The following OR51B5 variants were observed in gnomAD, a reference collection of about 807,000 sequenced individuals.
OR51B5 encodes olfactory receptor family 51 subfamily B member 5, also known as olfactory receptor 51B5.
For synonymous variants in OR51B5, 186 were observed against 144.8 expected, an observed-to-expected ratio of 1.28 and a Z score of -2.04; for missense variants, 456 against 374.6, an observed-to-expected ratio of 1.22 and a Z score of -1.79.
chr11:5,365,721 C>G (rs79375238), intron 1 of OR51B5, among the ~76,000 whole-genome samples: 4,771 of 152,164 alleles, frequency 0.031, 249 homozygotes, highest in African/African-American at 0.11. Context: ...TTTAAATTGT[C>G]CTGTAATTAT....
intron 1 of OR51B5, among the ~76,000 whole-genome samples, chr11:5,459,230 G>C (rs968274337): frequency 4.6e-5 from 7 of 152,122 alleles, no homozygotes; most frequent in Admixed American, 1.3e-4. Flanking sequence ...TTTGCTTTTA[G>C]TTCTGTTAAA....
chr11:5,461,412 C>T (rs893373556), intron 1 of OR51B5, among the ~76,000 whole-genome samples: 1 of 152,196 alleles, frequency 6.6e-6, no homozygotes, highest in Non-Finnish European at 1.5e-5. Flanking sequence ...GCTGAGACTG[C>T]ACTGCAAGCT....
intron 1 of OR51B5, among the ~76,000 whole-genome samples, chr11:5,497,640 G>A (rs576533499): frequency 6.6e-6 from 1 of 152,216 alleles, no homozygotes; most frequent in East Asian, 1.9e-4. Context: ...TGTGGTTAAG[G>A]TTGCTGCCTA....
chr11:5,401,731 C>T (rs1189926808), intron 1 of OR51B5, among the ~76,000 whole-genome samples: 2 of 151,376 alleles, frequency 1.3e-5, no homozygotes, highest in African/African-American at 2.4e-5. Flanking sequence ...TAGGGCCAGA[C>T]ATCTCCACAC....
chr11:5,365,306 C>G (rs1481171124), intron 1 of OR51B5, among the ~76,000 whole-genome samples: 1 of 152,144 alleles, frequency 6.6e-6, no homozygotes, highest in African/African-American at 2.4e-5. Context: ...TGTTTGCCAG[C>G]TGTGGAAAAC....
At chr11:5,458,358 T>C (rs1370486888) in intron 1 of OR51B5, among the ~76,000 whole-genome samples, 2 of 152,232 alleles carry the variant, frequency 1.3e-5, no homozygotes, top group African/African-American at 4.8e-5. Flanking sequence ...TTGCTTACAG[T>C]AGCCTTATAG....
intron 1 of OR51B5, among the ~76,000 whole-genome samples, chr11:5,419,081 C>G (rs561315980): frequency 1.4e-4 from 21 of 152,122 alleles, no homozygotes; most frequent in Admixed American, 9.2e-4. Flanking sequence ...TATCTTCACT[C>G]TCCTTCAAAT....
At chr11:5,396,465 C>T (rs1849873835) in intron 1 of OR51B5, among the ~76,000 whole-genome samples, 1 of 152,092 alleles carries the variant, frequency 6.6e-6, no homozygotes, top group African/African-American at 2.4e-5. Context: ...ACAATTGCTT[C>T]AGAGAGAATA....
At chr11:5,393,792 G>A (rs918765645) in intron 1 of OR51B5, among the ~76,000 whole-genome samples, 19 of 152,118 alleles carry the variant, frequency 1.2e-4, no homozygotes, top group African/African-American at 4.1e-4. Flanking sequence ...GAGGCTCACA[G>A]AGGAAAGCAA....
intron 1 of OR51B5, chr11:5,469,126 G>A (rs1851184792): frequency 8.8e-6 from 2 of 226,496 alleles, no homozygotes; most frequent in Non-Finnish European, 1.8e-5. Context: ...TCTGGGCCAG[G>A]CAGGCATCAA....
chr11:5,450,518 G>A (rs1000407414), intron 1 of OR51B5, among the ~76,000 whole-genome samples: 1 of 152,096 alleles, frequency 6.6e-6, no homozygotes. Context: ...ACACCCTCGG[G>A]GTCCTTTCTT....
intron 1 of OR51B5, among the ~76,000 whole-genome samples, chr11:5,411,391 T>G (rs1370983459): frequency 6.6e-6 from 1 of 152,090 alleles, no homozygotes; most frequent in Non-Finnish European, 1.5e-5. Context: ...CATCTAGGCT[T>G]GTGTGAGTAC....
intron 1 of OR51B5, among the ~76,000 whole-genome samples, chr11:5,493,307 C>T (rs920249105): frequency 5.3e-5 from 8 of 152,170 alleles, no homozygotes; most frequent in African/African-American, 1.9e-4. Flanking sequence ...AAAGAGACAT[C>T]ATCATGTTCC....
At chr11:5,478,960 T>C (rs2133806675) in intron 1 of OR51B5, among the ~76,000 whole-genome samples, 1 of 151,704 alleles carries the variant, frequency 6.6e-6, no homozygotes, top group Admixed American at 6.6e-5. Context: ...CGGGAGAACT[T>C]CCCCAATCTA....
intron 1 of OR51B5, among the ~76,000 whole-genome samples, chr11:5,460,480 A>C (rs1032642000): frequency 2.5e-4 from 1 of 4,080 alleles, no homozygotes; most frequent in Non-Finnish European, 1.4e-3. Flanking sequence ...TCATCTTTCA[A>C]CTCGAGTCAT....
At chr11:5,453,539 C>T (rs766538002) in intron 1 of OR51B5, 1 of 1,598,752 alleles carries the variant, frequency 6.3e-7, no homozygotes, top group Admixed American at 1.7e-5. Context: ...TGACTGGTAT[C>T]CCTGGTCTGG....
At chr11:5,354,338 T>G (rs1297415790) in intron 1 of OR51B5, among the ~76,000 whole-genome samples, 1 of 152,234 alleles carries the variant, frequency 6.6e-6, no homozygotes, top group Non-Finnish European at 1.5e-5. Flanking sequence ...CATAGCAGGC[T>G]AGTATAAAGA....
Position 5,413,635 on chromosome 11 carries a change from T to A in OR51B5, n.85-66725A>T, listed in dbSNP as rs189202280. 1.9e-3 allele frequency among the ~76,000 whole-genome samples: 292 copies of A among 152,220 alleles called. 1 individual carries two copies. Among genetic ancestry groups the A allele is most frequent in the Non-Finnish European group, 2.5e-3 (167 of 68,028 alleles). On this transcript the variant is annotated intron_variant and non_coding_transcript_variant, in intron 1 of 4. Transcript: ENST00000415970. ...CAAGGCTCGAGAACGATGTGAAGAA[T>A]GCAGAAGTCTCAGGAGCCAATGCAA... is the stretch of plus-strand genomic sequence containing the variant.
intron 1 of OR51B5, among the ~76,000 whole-genome samples, chr11:5,417,123 G>A (rs185254499): frequency 0.02 from 3,018 of 151,984 alleles, 107 homozygotes; most frequent in African/African-American, 0.069. Flanking sequence ...AAATAACACC[G>A]CATATCTGCA....
Sources: gnomAD v4.1 joint callset for allele counts (sites outside exome capture counted in the v4.1 genomes callset) on GRCh38, gnomAD v4.1.1 for gene constraint, MANE v1.5 for transcripts, NCBI Gene and HGNC (gene_info 2026-07-23, HGNC 2026-07-21) for gene names.